Variants in CHRM5 observed in about 807,000 individuals in gnomAD.
The protein encoded by CHRM5 is muscarinic acetylcholine receptor M5.
In CHRM5, 18 loss-of-function variants were observed where a neutral mutation model predicts 39.0. The observed-to-expected ratio is 0.46, with a 90% CI of 0.32 to 0.68. The LOEUF (loss-of-function observed/expected upper bound fraction) is 0.68. CHRM5 is among the 30% of genes least tolerant of loss of function. CHRM5 has a pLI of 0.04. For missense variants in CHRM5, 515 were observed against 651.1 expected (o/e 0.79, Z 2.28); for synonymous variants, 241 against 246.3 (o/e 0.98, Z 0.20).
At chr15:34,062,451 A>T (rs571138287) in intron 2 of CHRM5, among the ~76,000 whole-genome samples, 192 bp from the exon 3 acceptor site, 1 of 147,706 alleles carries the variant, frequency 6.8e-6, no homozygotes, top group East Asian at 2.2e-4. Flanking sequence ...GCTACTCGGG[A>T]GGCTGAGGCA....
At chr15:34,009,875 G>A (rs944588573) in intron 1 of CHRM5, among the ~76,000 whole-genome samples, 1 of 152,080 alleles carries the variant, frequency 6.6e-6, no homozygotes, top group Non-Finnish European at 1.5e-5. Context: ...TGTAGTCCTA[G>A]CACTTGAGCC....
At chr15:33,986,394 C>T (rs1987381) in intron 1 of CHRM5, among the ~76,000 whole-genome samples, 142,039 of 151,980 alleles carry the variant, frequency 0.93, 66,983 homozygotes, top group Non-Finnish European at 1. Flanking sequence ...CAGGCGTAAG[C>T]CACCGCGCCC....
At chr15:33,981,072 C>T (rs1244861111) in intron 1 of CHRM5, among the ~76,000 whole-genome samples, 1 of 82,134 alleles carries the variant, frequency 1.2e-5, no homozygotes. Context: ...ACAATCACAA[C>T]TTGATTCCAA....
chr15:34,013,175 T>G (rs1451547853), intron 1 of CHRM5, among the ~76,000 whole-genome samples: 2 of 151,954 alleles, frequency 1.3e-5, no homozygotes, highest in African/African-American at 2.4e-5. Context: ...GATTCTCATG[T>G]CTCAGCCTCC....
At chr15:34,017,320 C>T (rs898586691) in intron 1 of CHRM5, among the ~76,000 whole-genome samples, 1 of 151,992 alleles carries the variant, frequency 6.6e-6, no homozygotes, top group East Asian at 1.9e-4. Flanking sequence ...AGATCTCATC[C>T]CTGTTCCATA....
intron 1 of CHRM5, chr15:33,972,450 T>C (rs984991845): frequency 5.3e-5 from 8 of 151,988 alleles, no homozygotes; most frequent in African/African-American, 1.9e-4. Flanking sequence ...TGGACTAGTA[T>C]GAGGGCAGGG....
chr15:34,049,868 G>A (rs534155), intron 2 of CHRM5, among the ~76,000 whole-genome samples: 98,278 of 150,758 alleles, frequency 0.65, 33,251 homozygotes, highest in South Asian at 0.78. Context: ...GAAGAGACTG[G>A]GGCCAATAAT....
intron 1 of CHRM5, among the ~76,000 whole-genome samples, chr15:33,981,107 C>G (rs672065): frequency 0.76 from 115,392 of 151,992 alleles, 48,736 homozygotes; most frequent in Non-Finnish European, 0.95. Context: ...GGACAGCAAC[C>G]CCTCTTAATT....
intron 1 of CHRM5, among the ~76,000 whole-genome samples, chr15:34,009,668 T>C (rs988943974): frequency 2.6e-5 from 4 of 152,034 alleles, no homozygotes; most frequent in Non-Finnish European, 5.9e-5. Flanking sequence ...GGCTGTTACA[T>C]AATAATAAAA....
At position 34,067,329 on chromosome 15, in the gene CHRM5, C is replaced by G. The variant is rs192448310; in HGVS notation, c.*3013C>G. The G allele has an allele frequency of 2.6e-4, 39 of 152,124 alleles. No individual in the cohort carries two copies. The highest frequency in any genetic ancestry group is 4.4e-4 in the Non-Finnish European group (30 of 68,042). 9.4% of individuals were successfully genotyped at this position (152,124 alleles called of 1,614,324 possible). A position where few individuals can be genotyped will look rare whatever the true frequency, so the allele number is the denominator to read the frequency against. On this transcript the variant is annotated 3_prime_UTR_variant, in exon 3 of 3. Coordinates refer to ENST00000383263, the MANE Select transcript of CHRM5 (RefSeq NM_012125.4). The stretch of plus-strand genomic sequence containing the variant: ...GCTCTTTGTAATTGTGAAATCTGTA[C>G]CCAAACCTCTGGATTAGAATCTCCA...
At chr15:33,986,803 C>T (rs141991077) in intron 1 of CHRM5, among the ~76,000 whole-genome samples, 451 of 151,548 alleles carry the variant, frequency 3.0e-3, no homozygotes, top group African/African-American at 0.01. Context: ...ACTACAGGCA[C>T]GTGCCACCAT....
At chr15:33,982,474 C>A (rs377083888) in intron 1 of CHRM5, among the ~76,000 whole-genome samples, 2 of 152,208 alleles carry the variant, frequency 1.3e-5, no homozygotes, top group East Asian at 3.9e-4. Context: ...TTTTCTGGAG[C>A]AAAGCAATAA....
intron 1 of CHRM5, among the ~76,000 whole-genome samples, chr15:33,994,729 G>A (rs184827964): frequency 1.3e-5 from 2 of 152,234 alleles, no homozygotes; most frequent in African/African-American, 4.8e-5. Flanking sequence ...AAAATTCACT[G>A]TTACAATGGA....
At chr15:34,042,185 T>G (rs1899499814) in intron 1 of CHRM5, among the ~76,000 whole-genome samples, 3 of 152,164 alleles carry the variant, frequency 2.0e-5, no homozygotes, top group Admixed American at 2.0e-4. Flanking sequence ...ATTGCATAAA[T>G]AACAAAGGGA....
At chr15:33,992,377 A>G (rs1423891364) in intron 1 of CHRM5, among the ~76,000 whole-genome samples, 3 of 151,510 alleles carry the variant, frequency 2.0e-5, no homozygotes, top group Non-Finnish European at 4.4e-5. Flanking sequence ...GCGACAGATC[A>G]GGACTCCGTC....
At chr15:34,046,176 G>A (rs553356522) in intron 1 of CHRM5, among the ~76,000 whole-genome samples, 1 of 152,130 alleles carries the variant, frequency 6.6e-6, no homozygotes, top group East Asian at 1.9e-4. Flanking sequence ...AGTTTATTGT[G>A]GAAAACATTC....
intron 2 of CHRM5, among the ~76,000 whole-genome samples, chr15:34,050,034 C>T (rs910041374): frequency 2.0e-5 from 3 of 151,936 alleles, no homozygotes; most frequent in African/African-American, 7.3e-5. Flanking sequence ...ACTACAGGCA[C>T]CTGCCACCAT....
At chr15:34,029,526 A>C (rs879526442) in intron 1 of CHRM5, among the ~76,000 whole-genome samples, 19,708 of 120,930 alleles carry the variant, frequency 0.16, 1,669 homozygotes, top group Middle Eastern at 0.3. Context: ...ACAAAAAAAA[A>C]AAAAAAAAAA....
chr15:33,992,547 T>C (rs1170593103), intron 1 of CHRM5, among the ~76,000 whole-genome samples: 1 of 152,240 alleles, frequency 6.6e-6, no homozygotes, highest in Non-Finnish European at 1.5e-5. Flanking sequence ...TTTTTTAATT[T>C]ATAGTTCTGT....
Sources: gnomAD v4.1 joint callset for allele counts (sites outside exome capture counted in the v4.1 genomes callset) on GRCh38, gnomAD v4.1.1 for gene constraint, MANE v1.5 for transcripts, NCBI Gene and HGNC (gene_info 2026-07-23, HGNC 2026-07-21) for gene names.